The following PCDHGB3 variants were observed in gnomAD, a reference collection of about 807,000 sequenced individuals.
PCDHGB3 encodes protocadherin gamma-B3.
PCDHGB3 carries 40 observed loss-of-function variants against 59.2 expected under a neutral mutation model. The ratio of observed to expected loss-of-function variants is 0.68; its 90% CI spans 0.52 to 0.88. The LOEUF is 0.88. Ranked by LOEUF, PCDHGB3 falls within the 40% of genes least tolerant of loss-of-function variation. The pLI is 0.00. For missense variants in PCDHGB3, 1,309 were observed against 1,187.9 expected (o/e 1.10, Z -1.50); for synonymous variants, 581 against 503.6 (o/e 1.15, Z -2.06).
chr5:141,496,132 C>T (rs865808904), intron 2 of PCDHGB3, among the ~76,000 whole-genome samples: 1 of 152,058 alleles, frequency 6.6e-6, no homozygotes, highest in African/African-American at 2.4e-5. Flanking sequence ...CCCTCACACA[C>T]TGAGCCTTTG....
intron 1 of PCDHGB3, among the ~76,000 whole-genome samples, chr5:141,438,591 C>CATACAT (rs1228520343): frequency 1.3e-5 from 1 of 75,562 alleles, no homozygotes; most frequent in Non-Finnish European, 2.7e-5. Flanking sequence ...TACATACATA[C>CATACAT]ATATATATAT....
rs1047637676 is a variant in PCDHGB3, at chr5:141,449,606, A to G, written c.2416-45201A>G. The stretch of plus-strand genomic sequence containing the variant: ...TCTGTCTCAAAAAAAAAAAAAAAAA[A>G]AGTAAAAAAGTTTTTTAAAAAGATG... On this transcript the variant is annotated intron_variant, in intron 1 of 3. Transcript: ENST00000576222. 3.9e-3 allele frequency among the ~76,000 whole-genome samples: 591 copies of G among 150,802 alleles called. 2 individuals carry two copies. The highest frequency in any genetic ancestry group is 0.01 in the Middle Eastern group (3 of 290).
chr5:141,399,112 G>A, intron 1 of PCDHGB3: 1 of 1,613,794 alleles, frequency 6.2e-7, no homozygotes, highest in African/African-American at 1.3e-5. Context: ...ACAATGTACA[G>A]TTGAAATTAA....
chr5:141,373,865 C>T, intron 1 of PCDHGB3: 1 of 465,356 alleles, frequency 2.1e-6, no homozygotes, highest in Admixed American at 3.9e-5. Context: ...GTTGACCAAC[C>T]TGGGCAAGAA....
intron 1 of PCDHGB3, chr5:141,400,383 T>C (rs1267422491): frequency 6.2e-7 from 1 of 1,614,088 alleles, no homozygotes. Flanking sequence ...ACCTATGTGT[T>C]GCACATACAG....
intron 1 of PCDHGB3, chr5:141,394,247 C>A (rs1414649061): frequency 1.2e-6 from 2 of 1,613,854 alleles, no homozygotes; most frequent in African/African-American, 1.3e-5. Flanking sequence ...CTGCACACGA[C>A]CCCGACAGCC....
intron 1 of PCDHGB3, 82 bp from the exon 2 acceptor site, chr5:141,494,725 C>G: frequency 6.2e-7 from 1 of 1,610,026 alleles, no homozygotes; most frequent in East Asian, 2.2e-5. Flanking sequence ...CCCTCCTTCT[C>G]TCCCGGCCCA....
intron 1 of PCDHGB3, among the ~76,000 whole-genome samples, chr5:141,479,129 C>T (rs2099488562): frequency 6.6e-6 from 1 of 152,154 alleles, no homozygotes; most frequent in South Asian, 2.1e-4. Context: ...AAATGATGTG[C>T]ACCCTGCTTA....
At position 141,374,633 on chromosome 5, in the gene PCDHGB3, A is replaced by C. The variant is rs1259564749; in HGVS notation, c.2415+1824A>C. 1.2e-6 allele frequency: 2 copies of C among 1,613,130 alleles called. No individual in the cohort carries two copies. Among genetic ancestry groups the C allele is most frequent in the Non-Finnish European group, 1.7e-6 (2 of 1,179,508 alleles). On this transcript the variant is annotated intron_variant, in intron 1 of 3. Transcript: ENST00000576222. Reference sequence around the variant, plus strand: ...TAGTCACTTCTCAGTGGACGTGCAAAGCGAAGCCCATGGGCCCAAGTACCC... The same window carrying C: ...TAGTCACTTCTCAGTGGACGTGCAACGCGAAGCCCATGGGCCCAAGTACCC...
At chr5:141,461,740 G>A (rs770518286) in intron 1 of PCDHGB3, among the ~76,000 whole-genome samples, 4 of 152,072 alleles carry the variant, frequency 2.6e-5, no homozygotes, top group Non-Finnish European at 2.9e-5. Context: ...GCACAATCCC[G>A]GCTCCCAGAT....
In PCDHGB3 at chr5:141,472,879, G is replaced by A. The variant is rs541980402; in HGVS notation, c.2416-21928G>A. Among the ~76,000 whole-genome samples the A allele has an allele frequency of 3.3e-5, 5 of 151,694 alleles. No homozygotes were observed. The South Asian group carries it at 6.2e-4, about 19-fold the overall frequency. ...CACATGCCTGTATTCCCAGCTACTC[G>A]GGAGGCTGAGGCAGGAGAATTGCTT... On this transcript the variant is annotated intron_variant, in intron 1 of 3. Coordinates refer to ENST00000576222, the MANE Select transcript of PCDHGB3 (RefSeq NM_018924.5).
intron 1 of PCDHGB3, among the ~76,000 whole-genome samples, chr5:141,474,773 G>T (rs1290099424): frequency 6.6e-6 from 1 of 152,182 alleles, no homozygotes; most frequent in East Asian, 1.9e-4. Flanking sequence ...ATAGTATGAG[G>T]CTCTAACACT....
chr5:141,419,285 G>A, intron 1 of PCDHGB3: 2 of 1,614,028 alleles, frequency 1.2e-6, no homozygotes, highest in East Asian at 4.5e-5. Context: ...GCAAGTCAGT[G>A]CCTCTGACCC....
At position 141,460,518 on chromosome 5, in the gene PCDHGB3, C is replaced by T. The variant is rs190277142; in HGVS notation, c.2416-34289C>T. ...AAATATGCTGAGAAGGCTATCTTTT[C>T]CCCACCAAATAATCTTAGCACCTTA... On this transcript the variant is annotated intron_variant, in intron 1 of 3. Coordinates refer to ENST00000576222, the MANE Select transcript of PCDHGB3 (RefSeq NM_018924.5). Among the ~76,000 whole-genome samples, 53 of 152,196 alleles carry T rather than the reference C, an allele frequency of 3.5e-4. 1 individual carries two copies. Among genetic ancestry groups the T allele is most frequent in the African/African-American group, 1.2e-3 (50 of 41,522 alleles).
intron 1 of PCDHGB3, chr5:141,408,214 C>G (rs1225368283): frequency 1.3e-6 from 2 of 1,555,192 alleles, no homozygotes; most frequent in Admixed American, 2.0e-5. Context: ...TGGGAGGGAG[C>G]TGCGCGCAGA....
Position 141,486,929 on chromosome 5 carries a change from G to A in PCDHGB3, c.2416-7878G>A. 2.5e-6 allele frequency: 4 copies of A among 1,614,226 alleles called. No individual in the cohort carries two copies. Among genetic ancestry groups the A allele is most frequent in the Non-Finnish European group, 2.5e-6 (3 of 1,180,038 alleles). ...CCAAGCACTGCCTCCATCAGTTGGT[G>A]CTGGCCACCTAATCACAAAGGTGAC... On this transcript the variant is annotated intron_variant, in intron 1 of 3. Transcript: ENST00000576222. This position sits in a 1 kb window ranked among gnomAD's most constrained non-coding sequence, Gnocchi z 5.0.
At position 141,486,427 on chromosome 5, in the gene PCDHGB3, A is replaced by T. The variant is rs775958317; in HGVS notation, c.2416-8380A>T. ...CTGGACCCTTGGATCGAGAGGCCAAATCTAGCTATGACATCATGGTCACTG... is the reference window on the plus strand; with the variant it reads ...CTGGACCCTTGGATCGAGAGGCCAATTCTAGCTATGACATCATGGTCACTG... On this transcript the variant is annotated intron_variant, in intron 1 of 3. Transcript: ENST00000576222. The surrounding 1 kb of genome is among the most constrained non-coding windows in gnomAD (Gnocchi z 5.0). 17 of 1,614,042 alleles carry T rather than the reference A, an allele frequency of 1.1e-5. No homozygotes were observed. The Admixed American group carries it at 2.8e-4, about 27-fold the overall frequency.
At chr5:141,376,159 C>T (rs1772345017) in intron 1 of PCDHGB3, 2 of 1,614,084 alleles carry the variant, frequency 1.2e-6, no homozygotes, top group Non-Finnish European at 8.5e-7. Context: ...TCACTCTGTA[C>T]CTGGTGGTGG....
In PCDHGB3 at chr5:141,477,836, G is replaced by T. The variant is rs1344676631; in HGVS notation, c.2416-16971G>T. On this transcript the variant is annotated intron_variant, in intron 1 of 3. Transcript: ENST00000576222. This position sits in a 1 kb window ranked among gnomAD's most constrained non-coding sequence, Gnocchi z 4.9. ...CCAGGTCCTATATCCTCGGCCAGGT[G>T]GGAGCTCGGTGGAGATGCTGCCTCG... The T allele has an allele frequency of 1.2e-6, 2 of 1,613,952 alleles. No individual in the cohort carries two copies. Among genetic ancestry groups the T allele is most frequent in the Non-Finnish European group, 1.7e-6 (2 of 1,180,012 alleles).
Sources: gnomAD v4.1 joint callset for allele counts (sites outside exome capture counted in the v4.1 genomes callset) on GRCh38, gnomAD v4.1.1 for gene constraint, Gnocchi (gnomAD v3.1) non-coding constraint, MANE v1.5 for transcripts, NCBI Gene and HGNC (gene_info 2026-07-23, HGNC 2026-07-21) for gene names.